FGFBP1: variants seen among roughly 807,000 people sequenced by gnomAD.
FGFBP1 encodes fibroblast growth factor binding protein 1, also known as fibroblast growth factor-binding protein 1.
Under a neutral mutation model 14.6 loss-of-function variants are expected in FGFBP1, and 12 were observed. That is an observed-to-expected ratio of 0.82 (90% CI 0.53 to 1.33). The LOEUF is 1.33. Among genes scored for constraint, FGFBP1 ranks in the 40% most tolerant of loss-of-function variants. FGFBP1 has a pLI of 0.00. For missense variants in FGFBP1, 317 were observed against 271.8 expected (o/e 1.17, Z -1.17); for synonymous variants, 117 against 105.0 (o/e 1.11, Z -0.70).
Position 15,936,011 on chromosome 4 carries a change from TC to T in FGFBP1, c.621del (p.Lys208ArgfsTer21), listed in dbSNP as rs766561922. The T allele has an allele frequency of 1.2e-6, 2 of 1,614,156 alleles. No individual in the cohort carries two copies. The highest frequency in any genetic ancestry group is 2.7e-5 in the African/African-American group (2 of 75,040). On this transcript the variant is annotated frameshift_variant, in exon 3 of 3. Coordinates refer to ENST00000382333, the MANE Select transcript of FGFBP1 (RefSeq NM_005130.5). LOFTEE classifies it high-confidence loss of function. ...TCTCCACAGAACTCCAGGGCAGTCT[TC>T]CTCTGGTTTGCCATATCTGGGTCCT... ...CVEDPDMANQ[R>X]KTALEFCGET...
Position 15,935,824 on chromosome 4 carries a change from A to G in FGFBP1, c.*104T>C. 1.4e-6 allele frequency: 1 copy of G among 698,804 alleles called. No homozygotes were observed. 43.3% of individuals were successfully genotyped at this position (698,804 alleles called of 1,614,324 possible). On this transcript the variant is annotated 3_prime_UTR_variant, in exon 3 of 3. Transcript: ENST00000382333. Reference sequence around the variant, plus strand: ...TTTAAATATTTCGTTGCACTCACTAAGCACAAAAGTTCATATTTTGGGGGG... The same window carrying G: ...TTTAAATATTTCGTTGCACTCACTAGGCACAAAAGTTCATATTTTGGGGGG...
chr4:15,936,081 T>G lies in FGFBP1; in HGVS notation c.552A>C (p.Leu184=), dbSNP rs762331021. ...IKGKETTPSS[L]AVTQTMATKA... is the part of the protein sequence containing the mutation. ...TGGTGGCCATGGTCTGGGTCACTGC[T>G]AGGCTAGAGGGGGTGGTCTCTTTGC... Residue 184 remains leucine, a synonymous_variant, in exon 3 of 3, where the codon CTA becomes CTC. Transcript: ENST00000382333. 6.8e-6 allele frequency: 11 copies of G among 1,614,028 alleles called. No homozygotes were observed. The African/African-American group carries it at 1.2e-4, about 18-fold the overall frequency.
In FGFBP1 at chr4:15,936,124, G is replaced by A. The variant is rs1400293225; in HGVS notation, c.509C>T (p.Pro170Leu). ...CTCTTTGCCTTTGATGTGCTCCCTG[G>A]GGGACATCTCTGTTTTCTCCTTCCT... ...KPRKEKTEMSPREHIKGKETT... is the reference protein window; with the variant it reads ...KPRKEKTEMSLREHIKGKETT... Residue 170 changes from proline to leucine, a missense_variant, in exon 3 of 3, where the codon CCC becomes CTC. Physicochemically the swap from Pro to Leu is moderately conservative, Grantham distance 98. Coordinates refer to ENST00000382333, the MANE Select transcript of FGFBP1 (RefSeq NM_005130.5). 1.2e-6 allele frequency: 2 copies of A among 1,613,872 alleles called. No homozygotes were observed. The highest frequency in any genetic ancestry group is 3.3e-5 in the Admixed American group (2 of 59,986).
At position 15,936,411 on chromosome 4, in the gene FGFBP1, C is replaced by T. The variant is rs1712489860; in HGVS notation, c.222G>A (p.Glu74=). Residue 74 remains glutamate, a synonymous_variant, in exon 3 of 3, where the codon GAG becomes GAA. Transcript: ENST00000382333. ...DQANCRWAAT[E]QEEGISLKVE... ...CCTTGAGAGAGATGCCCTCCTCCTGCTCAGTAGCAGCCCATCTGCAGTTGG... is the reference window on the plus strand; with the variant it reads ...CCTTGAGAGAGATGCCCTCCTCCTGTTCAGTAGCAGCCCATCTGCAGTTGG... 1.2e-6 allele frequency: 2 copies of T among 1,614,204 alleles called. No individual in the cohort carries two copies. Among genetic ancestry groups the T allele is most frequent in the Non-Finnish European group, 1.7e-6 (2 of 1,180,022 alleles).
rs773215520 is a variant in FGFBP1 at position 15,936,255 on chromosome 4, G to C, written c.378C>G (p.Ile126Met). Reference sequence around the variant, plus strand: ...TCACAGCTGTCTTGGAATATCTACAGATGTCTTTCTGTGAGCGCAGATTCC... The same window carrying C: ...TCACAGCTGTCTTGGAATATCTACACATGTCTTTCTGTGAGCGCAGATTCC... ...VARNLRSQKD[I>M]CRYSKTAVKT... Residue 126 changes from isoleucine to methionine, a missense_variant, in exon 3 of 3, where the codon ATC (isoleucine) becomes ATG (methionine). Coordinates refer to ENST00000382333, the MANE Select transcript of FGFBP1 (RefSeq NM_005130.5). 1 of 1,614,072 alleles carries C rather than the reference G, an allele frequency of 6.2e-7. No homozygotes were observed. Among genetic ancestry groups the C allele is most frequent in the African/African-American group, 1.3e-5 (1 of 74,914 alleles).
chr4:15,938,282 C>T lies in FGFBP1; in HGVS notation c.-52G>A, dbSNP rs1027651420. On this transcript the variant is annotated 5_prime_UTR_variant, in exon 2 of 3. Coordinates refer to ENST00000382333, the MANE Select transcript of FGFBP1 (RefSeq NM_005130.5). ...CTGAGCACACGGATCCAGTGCAATC[C>T]CAGGCAGTGCGAGTGAATTGCAGGC... The T allele has an allele frequency of 7.2e-5, 11 of 152,282 alleles. No individual in the cohort carries two copies. The highest frequency in any genetic ancestry group is 2.2e-4 in the African/African-American group (9 of 41,438). 9.4% of individuals were successfully genotyped at this position (152,282 alleles called of 1,614,324 possible). A position where few individuals can be genotyped will look rare whatever the true frequency, so the allele number is the denominator to read the frequency against.
Position 15,935,838 on chromosome 4 carries a change from T to C in FGFBP1, c.*90A>G, listed in dbSNP as rs955722090. ...TGCACTCACTAAGCACAAAAGTTCA[T>C]ATTTTGGGGGGACTGTAGAGAGCTT... On this transcript the variant is annotated 3_prime_UTR_variant, in exon 3 of 3. Transcript: ENST00000382333. 4.1e-5 allele frequency: 31 copies of C among 757,322 alleles called. No individual in the cohort carries two copies. The highest frequency in any genetic ancestry group is 4.9e-5 in the Non-Finnish European group (24 of 486,782). The allele number at this position is 757,322 out of a possible 1,614,324, so 46.9% of individuals were successfully genotyped here.
rs755036044 is a variant in FGFBP1, at chr4:15,936,047, CG to C, written c.585del (p.Glu196SerfsTer33). ...AVTQTMATKA[P>X]ECVEDPDMAN... is the part of the protein sequence containing the mutation. ...GCCATATCTGGGTCCTCCACACACTCGGGAGCTTTGGTGGCCATGGTCTGGG... is the reference window on the plus strand; with the variant it reads ...GCCATATCTGGGTCCTCCACACACTCGGAGCTTTGGTGGCCATGGTCTGGG... On this transcript the variant is annotated frameshift_variant, in exon 3 of 3. Transcript: ENST00000382333. LOFTEE classifies it high-confidence loss of function. 2 of 1,614,168 alleles carry C rather than the reference CG, an allele frequency of 1.2e-6. No homozygotes were observed. Among genetic ancestry groups the C allele is most frequent in the Non-Finnish European group, 1.7e-6 (2 of 1,180,026 alleles).
Position 15,936,044 on chromosome 4 carries a change from ACT to A in FGFBP1, c.587_588del (p.Glu196ValfsTer49). ...TTTGCCATATCTGGGTCCTCCACAC[ACT>A]CGGGAGCTTTGGTGGCCATGGTCTG... is the stretch of plus-strand genomic sequence containing the variant. ...VTQTMATKAP[E>X]CVEDPDMANQ... On this transcript the variant is annotated frameshift_variant, in exon 3 of 3. Coordinates refer to ENST00000382333, the MANE Select transcript of FGFBP1 (RefSeq NM_005130.5). LOFTEE classifies it high-confidence loss of function. 2 of 1,614,012 alleles carry A rather than the reference ACT, an allele frequency of 1.2e-6. No individual in the cohort carries two copies. Among genetic ancestry groups the A allele is most frequent in the Non-Finnish European group, 1.7e-6 (2 of 1,179,974 alleles).
At position 15,936,538 on chromosome 4, in the gene FGFBP1, T is replaced by G; in HGVS notation, c.95A>C (p.His32Pro). 1 of 1,614,084 alleles carries G rather than the reference T, an allele frequency of 6.2e-7. No individual in the cohort carries two copies. Among genetic ancestry groups the G allele is most frequent in the Non-Finnish European group, 8.5e-7 (1 of 1,180,018 alleles). The change falls in exon 3 of 3, where the codon CAC (histidine) becomes CCC (proline). Residue 32 changes from histidine to proline, a missense_variant. Coordinates refer to ENST00000382333, the MANE Select transcript of FGFBP1 (RefSeq NM_005130.5). ...EGKKKVKNGL[H>P]SKVVSEQKDT... ...CTTTTGTTCTGAGACCACTTTGCTG[T>G]GAAGTCCATTCTTCACTTTTTTTTT...
chr4:15,936,659 G>T lies in FGFBP1; in HGVS notation c.-20-7C>A. On this transcript the variant is annotated splice_polypyrimidine_tract_variant and splice_region_variant and intron_variant, in intron 2 of 2. Transcript: ENST00000382333. The stretch of plus-strand genomic sequence containing the variant: ...GCTGCAGCTGGGCGTTCACCTGTTT[G>T]ACAAAAGGCAAGTGAGTCAGTGGCA... The T allele has an allele frequency of 6.4e-7, 1 of 1,551,210 alleles. No individual in the cohort carries two copies. The highest frequency in any genetic ancestry group is 1.2e-5 in the South Asian group (1 of 84,866).
Position 15,936,335 on chromosome 4 carries a change from G to A in FGFBP1, c.298C>T (p.Pro100Ser), listed in dbSNP as rs1712486068. 1 of 1,614,210 alleles carries A rather than the reference G, an allele frequency of 6.2e-7. No homozygotes were observed. The highest frequency in any genetic ancestry group is 2.2e-5 in the East Asian group (1 of 44,892). Residue 100 changes from proline to serine, a missense_variant, in exon 3 of 3, where the codon CCA becomes TCA. Coordinates refer to ENST00000382333, the MANE Select transcript of FGFBP1 (RefSeq NM_005130.5). ...HEFSCVFAGN[P>S]TSCLKLKDER... ...TCCTTGAGCTTTAGGCATGAGGTTG[G>A]ATTGCCAGCAAAGACACAGGAAAAT...
chr4:15,935,964 T>C lies in FGFBP1; in HGVS notation c.669A>G (p.Thr223=), dbSNP rs1234378099. 3.1e-6 allele frequency: 5 copies of C among 1,612,788 alleles called. No individual in the cohort carries two copies. Among genetic ancestry groups the C allele is most frequent in the Non-Finnish European group, 4.2e-6 (5 of 1,179,448 alleles). ...TGTCCTGCACTATGCTGAGGAAGAA[T>C]GTGCAGAGAGAGCTCCAAGTCTCTC... ...FCGETWSSLC[T]FFLSIVQDTS... Residue 223 remains threonine (T), a synonymous_variant, in exon 3 of 3, where the codon ACA becomes ACG. Coordinates refer to ENST00000382333, the MANE Select transcript of FGFBP1 (RefSeq NM_005130.5).
Position 15,936,527 on chromosome 4 carries a change from C to CA in FGFBP1, c.105_106insT (p.Val36CysfsTer14). 6.2e-7 allele frequency: 1 copy of CA among 1,614,100 alleles called. No homozygotes were observed. The highest frequency in any genetic ancestry group is 8.5e-7 in the Non-Finnish European group (1 of 1,180,016). On this transcript the variant is annotated frameshift_variant, in exon 3 of 3. Transcript: ENST00000382333. LOFTEE classifies it high-confidence loss of function. ...CCCAGAGTGTCCTTTTGTTCTGAGACCACTTTGCTGTGAAGTCCATTCTTC... is the reference window on the plus strand; with the variant it reads ...CCCAGAGTGTCCTTTTGTTCTGAGACACACTTTGCTGTGAAGTCCATTCTTC...
chr4:15,937,096 C>T (rs1448418918), intron 2 of FGFBP1, among the ~76,000 whole-genome samples: 1 of 152,224 alleles, frequency 6.6e-6, no homozygotes, highest in East Asian at 1.9e-4. Context: ...TCTATCCCGT[C>T]ATCTCTGTTT....
chr4:15,936,772 T>C, intron 2 of FGFBP1, 120 bp from the exon 3 acceptor site: 1 of 616,580 alleles, frequency 1.6e-6, no homozygotes, highest in Non-Finnish European at 2.8e-6. Context: ...CCAAGAACGC[T>C]TCTGGCTCCT....
In FGFBP1 at chr4:15,936,553, A is replaced by G. The variant is rs748189141; in HGVS notation, c.80T>C (p.Val27Ala). Reference protein sequence around the residue: ...QVLLVEGKKKVKNGLHSKVVS... With the variant: ...QVLLVEGKKKAKNGLHSKVVS... ...CACTTTGCTGTGAAGTCCATTCTTC[A>G]CTTTTTTTTTCCCCTCCACCAGGAG... Residue 27 changes from valine to alanine, a missense_variant, in exon 3 of 3, where the codon GTG becomes GCG. Val to Ala is a moderately conservative substitution (Grantham distance 64, BLOSUM62 0). Transcript: ENST00000382333. 4.3e-6 allele frequency: 7 copies of G among 1,612,020 alleles called. No homozygotes were observed. The highest frequency in any genetic ancestry group is 1.1e-5 in the South Asian group (1 of 90,806).
At chr4:15,936,863 G>A (rs1224630668) in intron 2 of FGFBP1, among the ~76,000 whole-genome samples, 1 of 152,100 alleles carries the variant, frequency 6.6e-6, no homozygotes, top group African/African-American at 2.4e-5. Flanking sequence ...CCACTCTTTG[G>A]AGCCTCACGA....
At chr4:15,936,746 A>G in intron 2 of FGFBP1, 94 bp from the exon 3 acceptor site, 1 of 720,086 alleles carries the variant, frequency 1.4e-6, no homozygotes, top group Non-Finnish European at 2.3e-6. Context: ...AGGTGCCTAC[A>G]TGATTTCAGA....
Sources: allele counts gnomAD v4.1 joint callset (sites outside exome capture counted in the v4.1 genomes callset), GRCh38; gene constraint gnomAD v4.1.1; transcripts MANE v1.5; gene names NCBI Gene and HGNC (gene_info 2026-07-23, HGNC 2026-07-21).